Variants in KCNH8 observed in about 807,000 individuals in gnomAD.
KCNH8 encodes the protein potassium voltage-gated channel subfamily H member 8, also known as voltage-gated delayed rectifier potassium channel KCNH8.
In KCNH8, 70 loss-of-function variants were observed where a neutral mutation model predicts 103.6. The ratio of observed to expected loss-of-function variants is 0.68; its 90% CI spans 0.56 to 0.82. The LOEUF (loss-of-function observed/expected upper bound fraction) is 0.82. KCNH8 is among the 40% of genes least tolerant of loss of function. The pLI is 0.00. For synonymous variants in KCNH8, 498 were observed against 489.4 expected (o/e 1.02, Z -0.23); for missense variants, 1,217 against 1,329.9 (o/e 0.92, Z 1.32).
At chr3:19,300,642 T>C (rs2065053514) in intron 3 of KCNH8, among the ~76,000 whole-genome samples, 1 of 152,128 alleles carries the variant, frequency 6.6e-6, no homozygotes, top group East Asian at 1.9e-4. Context: ...TACATAACGG[T>C]TTACAGTTTC....
In KCNH8 at chr3:19,534,249, C is replaced by T; in HGVS notation, c.*150C>T. ...GAGGAGCCAGGGAAAGGCAGAACCA[C>T]CTCCATGCTGTAGCAAACAATTTCT... On this transcript the variant is annotated 3_prime_UTR_variant, in exon 16 of 16. Coordinates refer to ENST00000328405, the MANE Select transcript of KCNH8 (RefSeq NM_144633.3). 3.2e-6 allele frequency: 2 copies of T among 620,674 alleles called. No individual in the cohort carries two copies. The highest frequency in any genetic ancestry group is 2.8e-6 in the Non-Finnish European group (1 of 353,596). 38.4% of individuals were successfully genotyped at this position (620,674 alleles called of 1,614,324 possible). A position where few individuals can be genotyped will look rare whatever the true frequency, so the allele number is the denominator to read the frequency against.
At chr3:19,508,031 G>C (rs1027102572) in intron 11 of KCNH8, among the ~76,000 whole-genome samples, 1 of 152,138 alleles carries the variant, frequency 6.6e-6, no homozygotes, top group African/African-American at 2.4e-5. Flanking sequence ...TTCTGTTTAT[G>C]TGGTGAATCA....
rs565575355 is a variant in KCNH8 at position 19,297,322 on chromosome 3, A to T, written c.442+15993A>T. Reference sequence around the variant, plus strand: ...AATATGAGCTTAAGGAAGTAGTTAAATTATAAAGCCCAAATGGTACTACAA... The same window carrying T: ...AATATGAGCTTAAGGAAGTAGTTAATTTATAAAGCCCAAATGGTACTACAA... On this transcript the variant is annotated intron_variant, in intron 3 of 15. Transcript: ENST00000328405. Among the ~76,000 whole-genome samples the T allele has an allele frequency of 4.1e-4, 63 of 152,360 alleles. 1 individual carries two copies. In the Middle Eastern group the frequency reaches 0.01, roughly 25 times the overall value.
chr3:19,215,601 C>A (rs963967429), intron 1 of KCNH8, among the ~76,000 whole-genome samples: 4 of 152,262 alleles, frequency 2.6e-5, no homozygotes, highest in Non-Finnish European at 4.4e-5. Context: ...TGTTTTTGAC[C>A]ATTGCATGCA....
chr3:19,393,850 T>C (rs921663296), intron 6 of KCNH8, among the ~76,000 whole-genome samples: 4 of 152,108 alleles, frequency 2.6e-5, no homozygotes, highest in Admixed American at 2.6e-4. Context: ...TACAACTGAA[T>C]ATAATTTTGT....
intron 1 of KCNH8, among the ~76,000 whole-genome samples, chr3:19,252,805 C>T (rs2064296319): frequency 1.3e-5 from 2 of 152,078 alleles, no homozygotes; most frequent in Non-Finnish European, 2.9e-5. Context: ...AAGTAAATAA[C>T]ATTATTATTA....
chr3:19,380,765 A>G (rs1035494924), intron 5 of KCNH8, among the ~76,000 whole-genome samples: 4 of 152,242 alleles, frequency 2.6e-5, no homozygotes, highest in African/African-American at 9.6e-5. Context: ...GAGCTCATAC[A>G]TTACCGAAAT....
At chr3:19,450,006 T>C (rs1318539948) in intron 8 of KCNH8, 100 bp from the exon 9 acceptor site, 1 of 879,982 alleles carries the variant, frequency 1.1e-6, no homozygotes, top group Non-Finnish European at 1.7e-6. Flanking sequence ...GTAACCATGC[T>C]CTGCTCTGCT....
rs148131148 is a variant in KCNH8, at chr3:19,439,596, A to G, written c.1375+1235A>G. 4.7e-4 allele frequency among the ~76,000 whole-genome samples: 72 copies of G among 152,344 alleles called. 2 individuals are homozygous for G. The East Asian group carries it at 7.9e-3, about 17-fold the overall frequency. ...AAGTGAGCAAGTTTGGTGGAGAAGT[A>G]GAGAAGGCTCAACTCACAAAGAATC... On this transcript the variant is annotated intron_variant, in intron 8 of 15. Transcript: ENST00000328405.
chr3:19,245,192 A>G (rs2064188977), intron 1 of KCNH8, among the ~76,000 whole-genome samples: 2 of 152,304 alleles, frequency 1.3e-5, no homozygotes, highest in South Asian at 4.1e-4. Flanking sequence ...CAGTTATCTT[A>G]GCACCATTTA....
chr3:19,440,416 G>C (rs772385328), intron 8 of KCNH8, among the ~76,000 whole-genome samples: 1 of 152,106 alleles, frequency 6.6e-6, no homozygotes, highest in Admixed American at 6.6e-5. Context: ...ATGGATTCAC[G>C]GTTCCACATG....
chr3:19,377,664 G>C (rs1287979581), intron 5 of KCNH8, among the ~76,000 whole-genome samples: 1 of 152,176 alleles, frequency 6.6e-6, no homozygotes, highest in Admixed American at 6.5e-5. Flanking sequence ...TATATATTGA[G>C]ATGATGCTGA....
chr3:19,299,768 T>C (rs1308006372), intron 3 of KCNH8, among the ~76,000 whole-genome samples: 2 of 152,046 alleles, frequency 1.3e-5, no homozygotes, highest in African/African-American at 2.4e-5. Context: ...TTGCTGGTGG[T>C]GTACCAGTAG....
chr3:19,448,924 T>A, intron 8 of KCNH8: 1 of 1,257,700 alleles, frequency 8.0e-7, no homozygotes, highest in Non-Finnish European at 1.0e-6. Context: ...CATCTTTCTC[T>A]CAGTTTCACA....
intron 7 of KCNH8, among the ~76,000 whole-genome samples, chr3:19,406,305 G>A (rs928021340): frequency 5.3e-5 from 8 of 151,892 alleles, no homozygotes; most frequent in Non-Finnish European, 8.8e-5. Context: ...CTTAACCTTC[G>A]GAGACTTTTA....
chr3:19,268,491 C>T (rs997001430), intron 2 of KCNH8, among the ~76,000 whole-genome samples: 2 of 152,032 alleles, frequency 1.3e-5, no homozygotes, highest in African/African-American at 4.8e-5. Context: ...GGTAGGTAAA[C>T]CAAGTTAGAT....
intron 3 of KCNH8, among the ~76,000 whole-genome samples, chr3:19,312,117 T>A (rs1358495142): frequency 6.6e-6 from 1 of 151,964 alleles, no homozygotes; most frequent in African/African-American, 2.4e-5. Context: ...CCAAAATTCA[T>A]GCCAAGTATA....
At chr3:19,528,472 C>T (rs1248626758) in intron 15 of KCNH8, among the ~76,000 whole-genome samples, 3 of 151,920 alleles carry the variant, frequency 2.0e-5, no homozygotes, top group South Asian at 2.1e-4. Context: ...CATATTTCTA[C>T]AATTATGAAG....
intron 7 of KCNH8, among the ~76,000 whole-genome samples, chr3:19,429,162 C>CTTTTTTT (rs575154927): frequency 1.1e-5 from 1 of 89,858 alleles, no homozygotes; most frequent in African/African-American, 4.7e-5. Flanking sequence ...AGAATCCACT[C>CTTTTTTT]TTTTTTTTTT....
Sources: allele counts gnomAD v4.1 joint callset (sites outside exome capture counted in the v4.1 genomes callset), GRCh38; gene constraint gnomAD v4.1.1; transcripts MANE v1.5; gene names NCBI Gene and HGNC (gene_info 2026-07-23, HGNC 2026-07-21).